SGCD: variants seen among roughly 807,000 people sequenced by gnomAD.
SGCD encodes sarcoglycan delta, also known as delta-sarcoglycan.
In SGCD, 18 loss-of-function variants were observed where a neutral mutation model predicts 36.6. The ratio of observed to expected loss-of-function variants is 0.49; its 90% CI spans 0.34 to 0.73. The LOEUF (loss-of-function observed/expected upper bound fraction) is 0.73, where lower values mean the gene tolerates loss of function less well. SGCD is among the 30% of genes least tolerant of loss of function. The pLI, the probability that SGCD is intolerant of heterozygous loss-of-function variation, is 0.01. For missense variants in SGCD, 387 were observed against 346.7 expected (o/e 1.12, Z -0.92); for synonymous variants, 133 against 130.6 (o/e 1.02, Z -0.12).
intron 3 of SGCD, among the ~76,000 whole-genome samples, chr5:156,361,354 G>A (rs1769785285): frequency 6.6e-6 from 1 of 152,248 alleles, no homozygotes; most frequent in Admixed American, 6.5e-5. Flanking sequence ...TTTTGAAGAA[G>A]ACAGACCTGG....
chr5:156,099,867 T>C (rs189760902), intron 1 of SGCD, among the ~76,000 whole-genome samples: 57 of 152,240 alleles, frequency 3.7e-4, no homozygotes, highest in Admixed American at 2.7e-3. Context: ...CAGAAACAGA[T>C]AGCTAATATA....
intron 3 of SGCD, among the ~76,000 whole-genome samples, chr5:156,368,155 G>A (rs917883664): frequency 3.3e-5 from 5 of 151,322 alleles, no homozygotes; most frequent in East Asian, 3.9e-4. Context: ...GCAGTGGCAC[G>A]ATCTCGGCTC....
intron 1 of SGCD, among the ~76,000 whole-genome samples, chr5:156,041,494 A>T (rs1475947505): frequency 6.6e-6 from 1 of 152,216 alleles, no homozygotes; most frequent in East Asian, 1.9e-4. Flanking sequence ...GGCCTGAAGG[A>T]AGAATGTTCT....
chr5:156,490,245 AC>A (rs1755876034), intron 3 of SGCD, among the ~76,000 whole-genome samples: 1 of 152,070 alleles, frequency 6.6e-6, no homozygotes, highest in Non-Finnish European at 1.5e-5. Flanking sequence ...TGAGCCCAGG[AC>A]GAGATGCCTT....
chr5:156,059,111 A>T lies in SGCD; in HGVS notation c.-281-58767A>T, dbSNP rs1487326302. Among the ~76,000 whole-genome samples the T allele has an allele frequency of 7.6e-5, 11 of 143,818 alleles. No individual in the cohort carries two copies. The East Asian group carries it at 9.6e-4, about 13-fold the overall frequency. The allele number at this position is 143,818 out of a possible 152,430, so 94.4% of individuals were successfully genotyped here. A position where few individuals can be genotyped will look rare whatever the true frequency, so the allele number is the denominator to read the frequency against. ...AGTGGGTATATCATTTTTTAAATAA[A>T]AAAAAAAAAGTTTTGGTTTTTGATT... On this transcript the variant is annotated intron_variant, in intron 1 of 9. Coordinates refer to the SGCD transcript ENST00000517913.
intron 3 of SGCD, among the ~76,000 whole-genome samples, chr5:156,248,837 G>C (rs1236176277): frequency 6.6e-6 from 1 of 152,190 alleles, no homozygotes; most frequent in Non-Finnish European, 1.5e-5. Context: ...CCATTCTTAA[G>C]AGGACTTTGT....
chr5:156,458,332 C>A (rs1375015015), intron 3 of SGCD: 5 of 1,018,990 alleles, frequency 4.9e-6, no homozygotes, highest in Non-Finnish European at 7.4e-6. Context: ...TATTCTTTTG[C>A]GTGACTGTAG....
At chr5:155,773,333 A>G in the SGCD span, among the ~76,000 whole-genome samples, 1 of 152,102 alleles carries the variant, frequency 6.6e-6, no homozygotes, top group Non-Finnish European at 1.5e-5. Context: ...CCTGCATTTT[A>G]GTTACAATTT....
chr5:155,831,948 G>A, the SGCD span, among the ~76,000 whole-genome samples: 1 of 152,186 alleles, frequency 6.6e-6, no homozygotes, highest in South Asian at 2.1e-4. Context: ...GGGCCCTGAT[G>A]TTGGAAGTGT....
At chr5:155,918,928 A>G (rs928675840) in intron 1 of SGCD, among the ~76,000 whole-genome samples, 1 of 152,232 alleles carries the variant, frequency 6.6e-6, no homozygotes, top group African/African-American at 2.4e-5. Flanking sequence ...GGAAGCACAT[A>G]CTTTAAGAGG....
At chr5:155,797,546 A>C in the SGCD span, among the ~76,000 whole-genome samples, 1 of 152,246 alleles carries the variant, frequency 6.6e-6, no homozygotes, top group African/African-American at 2.4e-5. Flanking sequence ...ATAAGTGGAC[A>C]GAAGTACAGA....
chr5:156,353,946 C>T (rs987619271), intron 3 of SGCD, among the ~76,000 whole-genome samples: 2 of 152,042 alleles, frequency 1.3e-5, no homozygotes, highest in African/African-American at 4.8e-5. Context: ...CTGCAAATAA[C>T]ATGAATCAAA....
At chr5:155,849,440 G>GCA in the SGCD span, among the ~76,000 whole-genome samples, 27 of 139,818 alleles carry the variant, frequency 1.9e-4, no homozygotes, top group Middle Eastern at 3.6e-3. Flanking sequence ...ACACACATGT[G>GCA]CGCGCGCACA....
chr5:156,221,119 C>A (rs1233016414), intron 3 of SGCD, among the ~76,000 whole-genome samples: 2 of 152,052 alleles, frequency 1.3e-5, no homozygotes, highest in African/African-American at 4.8e-5. Flanking sequence ...GTAATAGGTA[C>A]ATTCACATTG....
intron 7 of SGCD, among the ~76,000 whole-genome samples, chr5:156,730,697 G>GTCTT (rs1756015584): frequency 6.6e-6 from 1 of 152,072 alleles, no homozygotes; most frequent in African/African-American, 2.4e-5. Context: ...GCATCCATGT[G>GTCTT]TCTTTATAAT....
At chr5:155,851,432 T>C in the SGCD span, among the ~76,000 whole-genome samples, 2 of 152,186 alleles carry the variant, frequency 1.3e-5, no homozygotes, top group Non-Finnish European at 2.9e-5. Flanking sequence ...CTTTATTTTC[T>C]GGCTGCCTCG....
At chr5:156,187,712 G>A (rs566880058) in intron 3 of SGCD, among the ~76,000 whole-genome samples, 89 of 152,218 alleles carry the variant, frequency 5.8e-4, no homozygotes, top group Non-Finnish European at 1.1e-3. Context: ...AGGGAGAAGA[G>A]GGGAAAGCTA....
At chr5:155,937,450 A>C (rs1186117413) in intron 1 of SGCD, among the ~76,000 whole-genome samples, 1 of 152,266 alleles carries the variant, frequency 6.6e-6, no homozygotes, top group African/African-American at 2.4e-5. Context: ...CCAGAATGTT[A>C]AACTTATTTA....
rs532597491 is a variant in SGCD, at chr5:156,068,592, T to C, written c.-281-49286T>C. 5.9e-5 allele frequency among the ~76,000 whole-genome samples: 9 copies of C among 152,014 alleles called. No individual in the cohort carries two copies. The East Asian group carries it at 1.5e-3, about 26-fold the overall frequency. On this transcript the variant is annotated intron_variant, in intron 1 of 9. Transcript: ENST00000517913. ...GTGCCGCAGTATACATATGTGTGCA[T>C]GTGCCTTTATAGCAGCATGATTTAT... is the stretch of plus-strand genomic sequence containing the variant.
Sources: gnomAD v4.1 joint callset for allele counts (sites outside exome capture counted in the v4.1 genomes callset) on GRCh38, gnomAD v4.1.1 for gene constraint, MANE v1.5 for transcripts, NCBI Gene and HGNC (gene_info 2026-07-23, HGNC 2026-07-21) for gene names.